The following ST8SIA1 variants were observed in gnomAD, a reference collection of about 807,000 sequenced individuals.
The protein encoded by ST8SIA1 is alpha-N-acetylneuraminide alpha-2,8-sialyltransferase.
In ST8SIA1, 16 loss-of-function variants were observed where a neutral mutation model predicts 35.9. The ratio of observed to expected loss-of-function variants is 0.45; its 90% CI spans 0.30 to 0.68. The LOEUF (loss-of-function observed/expected upper bound fraction) is 0.68, where lower values mean the gene tolerates loss of function less well. Ranked by LOEUF, ST8SIA1 falls within the 30% of genes least tolerant of loss-of-function variation. ST8SIA1 has a pLI of 0.09. For missense variants in ST8SIA1, 383 were observed against 453.6 expected (o/e 0.84, Z 1.41); for synonymous variants, 170 against 169.6 (o/e 1.00, Z -0.02).
At chr12:22,295,908 C>G (rs1866237828) in intron 1 of ST8SIA1, among the ~76,000 whole-genome samples, 1 of 152,182 alleles carries the variant, frequency 6.6e-6, no homozygotes, top group Non-Finnish European at 1.5e-5. Flanking sequence ...TTTCTTTCTT[C>G]CTAGCATATG....
intron 2 of ST8SIA1, among the ~76,000 whole-genome samples, chr12:22,276,451 G>T (rs2135809797): frequency 6.6e-6 from 1 of 152,302 alleles, no homozygotes; most frequent in East Asian, 1.9e-4. Flanking sequence ...AAACACGCAA[G>T]CTCTCAGCCA....
chr12:22,226,186 G>A (rs1412580735), intron 4 of ST8SIA1, among the ~76,000 whole-genome samples: 3 of 152,050 alleles, frequency 2.0e-5, no homozygotes, highest in African/African-American at 4.8e-5. Context: ...CTCAGCCCTC[G>A]TATTATATAT....
In ST8SIA1 at chr12:22,201,066, C is replaced by G. The variant is rs1477692469; in HGVS notation, c.*486G>C. The G allele has an allele frequency of 6.6e-6, 1 of 152,136 alleles. No homozygotes were observed. Among genetic ancestry groups the G allele is most frequent in the African/African-American group, 2.4e-5 (1 of 41,388 alleles). 9.4% of individuals were successfully genotyped at this position (152,136 alleles called of 1,614,324 possible). On this transcript the variant is annotated 3_prime_UTR_variant, in exon 5 of 5. Transcript: ENST00000396037. ...ATTTTTTAAATCTACCCACCCACTT[C>G]CCCAAAGAGGGCAAAAATAAATAAT...
At chr12:22,295,363 T>G (rs1413627803) in intron 1 of ST8SIA1, among the ~76,000 whole-genome samples, 2 of 152,124 alleles carry the variant, frequency 1.3e-5, no homozygotes, top group African/African-American at 4.8e-5. Flanking sequence ...GGAGAAAAGT[T>G]TTAAAATTTA....
chr12:22,290,707 G>A (rs971723607), intron 1 of ST8SIA1, among the ~76,000 whole-genome samples: 1 of 152,176 alleles, frequency 6.6e-6, no homozygotes, highest in Non-Finnish European at 1.5e-5. Flanking sequence ...TTGATGTCTA[G>A]GAAATTGTCA....
intron 4 of ST8SIA1, among the ~76,000 whole-genome samples, chr12:22,218,393 G>C (rs746695045): frequency 2.8e-5 from 4 of 143,316 alleles, no homozygotes; most frequent in Non-Finnish European, 6.1e-5. Flanking sequence ...CAAGATGGGA[G>C]GATCACTTGA....
Position 22,197,975 on chromosome 12 carries a change from T to C in ST8SIA1, c.*3577A>G, listed in dbSNP as rs1269243481. 1.3e-5 allele frequency: 2 copies of C among 152,222 alleles called. No individual in the cohort carries two copies. Among genetic ancestry groups the C allele is most frequent in the Non-Finnish European group, 2.9e-5 (2 of 68,038 alleles). 9.4% of individuals were successfully genotyped at this position (152,222 alleles called of 1,614,324 possible). ...CAAAATCCTCTATACAAAGCATATG[T>C]GTCTGTGAGTCATTGTCCATATAAA... On this transcript the variant is annotated 3_prime_UTR_variant, in exon 5 of 5. Coordinates refer to ENST00000396037, the MANE Select transcript of ST8SIA1 (RefSeq NM_003034.4).
chr12:22,324,017 G>GA (rs1002171082), intron 1 of ST8SIA1, among the ~76,000 whole-genome samples: 3 of 148,006 alleles, frequency 2.0e-5, no homozygotes, highest in South Asian at 2.1e-4. Context: ...AATACAAGTT[G>GA]AAAAAAAAAG....
At chr12:22,322,099 G>A (rs960165192) in intron 1 of ST8SIA1, among the ~76,000 whole-genome samples, 3 of 152,188 alleles carry the variant, frequency 2.0e-5, no homozygotes, top group African/African-American at 4.8e-5. Context: ...CTCTGCCATC[G>A]CAATCACGAT....
intron 1 of ST8SIA1, chr12:22,325,679 T>C: frequency 3.3e-6 from 2 of 603,282 alleles, no homozygotes; most frequent in Non-Finnish European, 5.8e-6. Flanking sequence ...CTATATACCG[T>C]TTTTTCCTAT....
Position 22,334,238 on chromosome 12 carries a change from C to G in ST8SIA1, c.-6G>C, listed in dbSNP as rs772892133. 1.2e-5 allele frequency: 20 copies of G among 1,608,288 alleles called. No individual in the cohort carries two copies. Among genetic ancestry groups the G allele is most frequent in the Admixed American group, 1.7e-5 (1 of 59,730 alleles). Reference sequence around the variant, plus strand: ...GCCCGCCCGCAGGGGCTCATCGCAGCCCCGGCGTCCCAGGGGCGGGGGCCG... The same window carrying G: ...GCCCGCCCGCAGGGGCTCATCGCAGGCCCGGCGTCCCAGGGGCGGGGGCCG... On this transcript the variant is annotated 5_prime_UTR_variant, in exon 1 of 5. Coordinates refer to ENST00000396037, the MANE Select transcript of ST8SIA1 (RefSeq NM_003034.4).
At chr12:22,243,051 A>G (rs867573692) in intron 4 of ST8SIA1, among the ~76,000 whole-genome samples, 2 of 152,220 alleles carry the variant, frequency 1.3e-5, no homozygotes, top group Non-Finnish European at 2.9e-5. Context: ...AGATAGAGTA[A>G]TAAGTATTGC....
intron 4 of ST8SIA1, among the ~76,000 whole-genome samples, chr12:22,224,879 G>T (rs369567130): frequency 4.4e-4 from 67 of 152,266 alleles, no homozygotes; most frequent in Admixed American, 2.3e-3. Flanking sequence ...TTAGAAACAG[G>T]ATCTTTGTAG....
intron 1 of ST8SIA1, among the ~76,000 whole-genome samples, chr12:22,303,474 A>G (rs1395237281): frequency 6.6e-6 from 1 of 152,156 alleles, no homozygotes; most frequent in Non-Finnish European, 1.5e-5. Context: ...CTAGGATGGT[A>G]GAGAGCAGTC....
intron 4 of ST8SIA1, among the ~76,000 whole-genome samples, chr12:22,218,629 A>AAATAAATAAATAAATG (rs1865261876): frequency 3.3e-5 from 5 of 150,452 alleles, no homozygotes; most frequent in Admixed American, 3.3e-4. Flanking sequence ...ATAAATAAAT[A>AAATAAATAAATAAATG]AATAAATACA....
chr12:22,246,048 C>T (rs1308858643), intron 4 of ST8SIA1, among the ~76,000 whole-genome samples: 4 of 152,076 alleles, frequency 2.6e-5, no homozygotes, highest in African/African-American at 9.7e-5. Context: ...TAAGCGTTTC[C>T]TTGAGTTCTG....
intron 1 of ST8SIA1, among the ~76,000 whole-genome samples, chr12:22,307,835 GA>G (rs1179817975): frequency 6.6e-6 from 1 of 152,106 alleles, no homozygotes; most frequent in Non-Finnish European, 1.5e-5. Context: ...AGAGGGATCA[GA>G]AAATCATAAG....
intron 4 of ST8SIA1, among the ~76,000 whole-genome samples, chr12:22,241,420 T>C (rs988527534): frequency 7.9e-5 from 12 of 152,004 alleles, no homozygotes; most frequent in African/African-American, 2.2e-4. Flanking sequence ...TGTCTCTTGC[T>C]CCTGCTCCTG....
intron 1 of ST8SIA1, among the ~76,000 whole-genome samples, chr12:22,308,616 C>A (rs1048943216): frequency 2.6e-5 from 4 of 152,152 alleles, no homozygotes; most frequent in Admixed American, 2.0e-4. Context: ...TAATTACCGC[C>A]TCTATTTCTT....
Sources: allele counts gnomAD v4.1 joint callset (sites outside exome capture counted in the v4.1 genomes callset), GRCh38; gene constraint gnomAD v4.1.1; transcripts MANE v1.5; gene names NCBI Gene and HGNC (gene_info 2026-07-23, HGNC 2026-07-21).